KIAA1549L: variants seen among roughly 807,000 people sequenced by gnomAD.
The protein encoded by KIAA1549L is UPF0606 protein KIAA1549L.
In KIAA1549L, 88 loss-of-function variants were observed where a neutral mutation model predicts 160.7. That is an observed-to-expected ratio of 0.55 (90% confidence interval 0.46 to 0.65). KIAA1549L has a LOEUF of 0.65. Ranked by LOEUF, KIAA1549L falls within the 30% of genes least tolerant of loss-of-function variation. The pLI, the probability that KIAA1549L is intolerant of heterozygous loss-of-function variation, is 0.00. For missense variants in KIAA1549L, 2,258 were observed against 2,437.5 expected, an observed-to-expected ratio of 0.93 and a Z score of 1.55; for synonymous variants, 950 against 976.7, an observed-to-expected ratio of 0.97 and a Z score of 0.51.
intron 1 of KIAA1549L, among the ~76,000 whole-genome samples, chr11:33,480,442 A>G (rs975036010): frequency 2.0e-5 from 3 of 152,122 alleles, no homozygotes; most frequent in Non-Finnish European, 4.4e-5. Flanking sequence ...GAGTGAATGG[A>G]TTCTTTTGGC....
At position 33,607,320 on chromosome 11, in the gene KIAA1549L, C is replaced by T. The variant is rs1850532734; in HGVS notation, c.5061+498C>T. Among the ~76,000 whole-genome samples the T allele has an allele frequency of 2.0e-5, 3 of 152,072 alleles. No homozygotes were observed. In the South Asian group the frequency reaches 6.2e-4, roughly 32 times the overall value. ...CTTGAAACAACTCATTGGCTGCTTC[C>T]AGAAAGCTATCAATGGATATCATGA... On this transcript the variant is annotated intron_variant, in intron 14 of 20. Coordinates refer to ENST00000658780, the MANE Select transcript of KIAA1549L (RefSeq NM_012194.3).
intron 6 of KIAA1549L, among the ~76,000 whole-genome samples, chr11:33,553,171 T>C (rs1323950264): frequency 6.6e-6 from 1 of 152,148 alleles, no homozygotes; most frequent in Non-Finnish European, 1.5e-5. Context: ...TAAAAATTTT[T>C]TAATTATTTG....
chr11:33,537,814 C>A (rs1478491644), intron 1 of KIAA1549L, among the ~76,000 whole-genome samples: 1 of 152,142 alleles, frequency 6.6e-6, no homozygotes, highest in South Asian at 2.1e-4. Flanking sequence ...CAGGCACAGA[C>A]ATGTCTTTGA....
At chr11:33,600,230 G>C (rs1487683393) in intron 13 of KIAA1549L, among the ~76,000 whole-genome samples, 1 of 152,318 alleles carries the variant, frequency 6.6e-6, no homozygotes, top group Non-Finnish European at 1.5e-5. Flanking sequence ...GAAATGGGGT[G>C]TGACCTGTGG....
Position 33,452,890 on chromosome 11 carries a change from C to T in KIAA1549L, c.238+76001C>T, listed in dbSNP as rs531756154. Among the ~76,000 whole-genome samples, 3 of 152,240 alleles carry T rather than the reference C, an allele frequency of 2.0e-5. No individual in the cohort carries two copies. The East Asian group carries it at 5.8e-4, about 29-fold the overall frequency. ...AGCAAGTGGGATGCAGGTTGTGGGA[C>T]CAGTGGCTCTGTATAATCTCTTGAT... On this transcript the variant is annotated intron_variant, in intron 1 of 20. Transcript: ENST00000658780.
intron 1 of KIAA1549L, among the ~76,000 whole-genome samples, chr11:33,411,879 A>G (rs1249603631): frequency 2.0e-5 from 3 of 152,168 alleles, no homozygotes; most frequent in Non-Finnish European, 4.4e-5. Context: ...TAAAGCACAC[A>G]GGACATCCTC....
At chr11:33,567,893 CAT>C (rs1176769251) in intron 8 of KIAA1549L, among the ~76,000 whole-genome samples, 181 bp from the exon 9 acceptor site, 1 of 152,334 alleles carries the variant, frequency 6.6e-6, no homozygotes, top group Admixed American at 6.5e-5. Context: ...GCATCTATAA[CAT>C]GTGGATAATG....
At chr11:33,457,070 T>G (rs1423868010) in intron 1 of KIAA1549L, among the ~76,000 whole-genome samples, 1 of 152,210 alleles carries the variant, frequency 6.6e-6, no homozygotes, top group African/African-American at 2.4e-5. Flanking sequence ...GGGTGGCAGA[T>G]GCACAGTTAC....
intron 17 of KIAA1549L, among the ~76,000 whole-genome samples, chr11:33,655,239 A>G (rs1366379573): frequency 6.6e-6 from 1 of 152,034 alleles, no homozygotes; most frequent in Non-Finnish European, 1.5e-5. Flanking sequence ...ATAGTGCTTT[A>G]TAGATTGCAA....
chr11:33,397,866 G>GTT (rs35272326), intron 1 of KIAA1549L, among the ~76,000 whole-genome samples: 2 of 145,234 alleles, frequency 1.4e-5, no homozygotes, highest in Non-Finnish European at 3.0e-5. Flanking sequence ...TTGTTTATTT[G>GTT]TTTTTTTTAA....
At chr11:33,592,557 CAT>C (rs35577912) in intron 12 of KIAA1549L, among the ~76,000 whole-genome samples, 35,336 of 152,108 alleles carry the variant, frequency 0.23, 4,555 homozygotes, top group Middle Eastern at 0.38. Flanking sequence ...TTTTATCTAA[CAT>C]GTGTATTGAT....
rs1852541221 is a variant in KIAA1549L at position 33,668,060 on chromosome 11, C to T, written c.6347C>T (p.Thr2116Ile). The change falls in exon 21 of 21, where the codon ACC (threonine) becomes ATC (isoleucine). Residue 2116 changes from threonine to isoleucine, a missense_variant. Physicochemically the swap from Thr to Ile is moderately conservative, Grantham distance 89 (BLOSUM62 -1). Coordinates refer to ENST00000658780, the MANE Select transcript of KIAA1549L (RefSeq NM_012194.3). ...AACGACCCGTCTGACGCTCCCCTGA[C>T]CAACATCTCCACTGCGGCCCTTGTG... ...AENDPSDAPLTNISTAALVKA... is the reference protein window; with the variant it reads ...AENDPSDAPLINISTAALVKA... 6.2e-7 allele frequency: 1 copy of T among 1,614,068 alleles called. No individual in the cohort carries two copies. The highest frequency in any genetic ancestry group is 8.5e-7 in the Non-Finnish European group (1 of 1,179,910).
chr11:33,669,161 C>T lies in KIAA1549L; in HGVS notation c.*1007C>T, dbSNP rs190354634. On this transcript the variant is annotated 3_prime_UTR_variant, in exon 21 of 21. Coordinates refer to ENST00000658780, the MANE Select transcript of KIAA1549L (RefSeq NM_012194.3). Reference sequence around the variant, plus strand: ...TGGTAGAACCACAGTCTTCCCAGGCCGCAGCCTCTGTTTATAGAAGCTTCT... The same window carrying T: ...TGGTAGAACCACAGTCTTCCCAGGCTGCAGCCTCTGTTTATAGAAGCTTCT... 0.012 allele frequency: 1,827 copies of T among 152,248 alleles called. 21 individuals carry two copies. Among genetic ancestry groups the T allele is most frequent in the Non-Finnish European group, 0.017 (1,174 of 68,022 alleles). 9.4% of individuals were successfully genotyped at this position (152,248 alleles called of 1,614,324 possible).
chr11:33,410,012 CCTTA>C lies in KIAA1549L; in HGVS notation c.238+33127_238+33130del, dbSNP rs1402801961. Among the ~76,000 whole-genome samples the C allele has an allele frequency of 5.9e-5, 9 of 152,090 alleles. No individual in the cohort carries two copies. The East Asian group carries it at 1.5e-3, about 26-fold the overall frequency. On this transcript the variant is annotated intron_variant, in intron 1 of 20. Coordinates refer to ENST00000658780, the MANE Select transcript of KIAA1549L (RefSeq NM_012194.3). Reference sequence around the variant, plus strand: ...CGTTTCTCTGTGTCTGTTATCACTGCCTTACTTTCTTTTATTTTTCTTTGTTCAT... The same window carrying C: ...CGTTTCTCTGTGTCTGTTATCACTGCCTTTCTTTTATTTTTCTTTGTTCAT...
chr11:33,545,314 C>A lies in KIAA1549L; in HGVS notation c.3321C>A (p.Val1107=). ...AVLPAASAAV[V]TTGKMASNLE... is the part of the protein sequence containing the mutation. ...TTCCTGCTGCATCGGCTGCAGTGGTCACGACTGGCAAAATGGCATCCAACC... is the reference window on the plus strand; with the variant it reads ...TTCCTGCTGCATCGGCTGCAGTGGTAACGACTGGCAAAATGGCATCCAACC... The change falls in exon 3 of 21, where the codon GTC becomes GTA. Residue 1107 remains valine, a synonymous_variant. Coordinates refer to ENST00000658780, the MANE Select transcript of KIAA1549L (RefSeq NM_012194.3). The A allele has an allele frequency of 6.2e-7, 1 of 1,613,476 alleles. No individual in the cohort carries two copies. Among genetic ancestry groups the A allele is most frequent in the South Asian group, 1.1e-5 (1 of 91,028 alleles).
intron 1 of KIAA1549L, among the ~76,000 whole-genome samples, chr11:33,504,072 C>A (rs777365768): frequency 3.9e-5 from 6 of 152,162 alleles, no homozygotes; most frequent in Non-Finnish European, 7.3e-5. Context: ...CCAGCCTGGC[C>A]AAAATGGTGA....
In KIAA1549L at chr11:33,551,248, A is replaced by G. The variant is rs548697942; in HGVS notation, c.3710A>G (p.Gln1237Arg). ...PWNPQPAGYF[Q>R]LKTVLQFVSQ... ...AATCCCCAGCCTGCAGGCTACTTCC[A>G]GCTAAAAACAGGCAAGTGACTCGGA... Residue 1237 changes from glutamine (Q) to arginine (R), a missense_variant, in exon 5 of 21, where the codon CAG becomes CGG. This residue lies in a region of KIAA1549L where 1,359 missense variants were observed against 1,546.6 expected (regional missense o/e 0.88). Transcript: ENST00000658780. 1 of 1,612,916 alleles carries G rather than the reference A, an allele frequency of 6.2e-7. No homozygotes were observed. The highest frequency in any genetic ancestry group is 8.5e-7 in the Non-Finnish European group (1 of 1,179,720).
At chr11:33,625,409 C>T (rs1021233932) in intron 16 of KIAA1549L, among the ~76,000 whole-genome samples, 8 of 152,216 alleles carry the variant, frequency 5.3e-5, no homozygotes, top group Non-Finnish European at 1.0e-4. Context: ...TCCATATCCT[C>T]TCCAGCACCT....
At chr11:33,577,676 C>T (rs1855498516) in intron 10 of KIAA1549L, among the ~76,000 whole-genome samples, 1 of 152,108 alleles carries the variant, frequency 6.6e-6, no homozygotes, top group Non-Finnish European at 1.5e-5. Context: ...TGGATTTCAG[C>T]TGGGGTGTGT....
Sources: allele counts gnomAD v4.1 joint callset (sites outside exome capture counted in the v4.1 genomes callset), GRCh38; gene constraint gnomAD v4.1.1; regional missense constraint gnomAD v4.1.1; transcripts MANE v1.5; gene names NCBI Gene and HGNC (gene_info 2026-07-23, HGNC 2026-07-21).